Variants in ARHGAP24 observed in about 807,000 individuals in gnomAD.
ARHGAP24 encodes Rho GTPase activating protein 24, also known as rho GTPase-activating protein 24.
ARHGAP24 carries 50 observed loss-of-function variants against 76.4 expected under a neutral mutation model. The observed-to-expected ratio is 0.65, with a 90% confidence interval of 0.52 to 0.83. The LOEUF (loss-of-function observed/expected upper bound fraction) is 0.83, where lower values mean the gene tolerates loss of function less well. Among genes scored for constraint, ARHGAP24 ranks in the 40% least tolerant of loss-of-function variants. ARHGAP24 has a pLI of 0.00. For missense variants in ARHGAP24, 930 were observed against 914.2 expected, an observed-to-expected ratio of 1.02 and a Z score of -0.22; for synonymous variants, 345 against 323.3, an observed-to-expected ratio of 1.07 and a Z score of -0.72.
At chr4:85,695,742 C>A (rs1227368355) in intron 2 of ARHGAP24, among the ~76,000 whole-genome samples, 2 of 152,104 alleles carry the variant, frequency 1.3e-5, no homozygotes, top group South Asian at 4.1e-4. Context: ...AGTTAATATT[C>A]ATTAGAGTAA....
At chr4:85,601,181 T>A (rs549166965) in intron 2 of ARHGAP24, among the ~76,000 whole-genome samples, 2 of 152,324 alleles carry the variant, frequency 1.3e-5, no homozygotes, top group Middle Eastern at 3.4e-3. Context: ...TCAACTGGAA[T>A]GTAACTACCA....
At chr4:85,900,168 A>T (rs1734412570) in intron 3 of ARHGAP24, among the ~76,000 whole-genome samples, 1 of 152,212 alleles carries the variant, frequency 6.6e-6, no homozygotes, top group Admixed American at 6.5e-5. Flanking sequence ...TCTACCTGCT[A>T]ATCTATATAT....
Position 85,475,351 on chromosome 4 carries a change from C to G in ARHGAP24, c.-229C>G, listed in dbSNP as rs1274011817. The G allele has an allele frequency of 6.5e-6, 1 of 152,864 alleles. No homozygotes were observed. Among genetic ancestry groups the G allele is most frequent in the African/African-American group, 2.4e-5 (1 of 41,448 alleles). 9.5% of individuals were successfully genotyped at this position (152,864 alleles called of 1,614,324 possible). A position where few individuals can be genotyped will look rare whatever the true frequency, so the allele number is the denominator to read the frequency against. On this transcript the variant is annotated 5_prime_UTR_variant, in exon 1 of 10. Transcript: ENST00000395184. ...GGGGAATCCCCCCAACTTCCCATCG[C>G]AGGCGCAGCTCTCTCGGCCGCCTAT...
At chr4:85,998,682 A>G (rs1246445895) in intron 9 of ARHGAP24, among the ~76,000 whole-genome samples, 2 of 152,068 alleles carry the variant, frequency 1.3e-5, no homozygotes, top group Admixed American at 6.6e-5. Context: ...CTTTTCTCAG[A>G]CCTGTTTTGT....
At chr4:85,680,353 T>C (rs1368647787) in intron 2 of ARHGAP24, among the ~76,000 whole-genome samples, 1 of 152,184 alleles carries the variant, frequency 6.6e-6, no homozygotes, top group East Asian at 1.9e-4. Context: ...CAATGCATAG[T>C]CAACCTTTCA....
At chr4:85,746,720 G>A (rs1163176412) in intron 3 of ARHGAP24, among the ~76,000 whole-genome samples, 1 of 151,900 alleles carries the variant, frequency 6.6e-6, no homozygotes. Context: ...GTGCGATCTC[G>A]GCTCACTACA....
At chr4:85,898,397 A>C (rs1157910536) in intron 3 of ARHGAP24, among the ~76,000 whole-genome samples, 1 of 152,154 alleles carries the variant, frequency 6.6e-6, no homozygotes, top group Non-Finnish European at 1.5e-5. Flanking sequence ...ACTAGGGTGC[A>C]TACAGGCTCT....
At chr4:85,526,693 G>A (rs1725014811) in intron 1 of ARHGAP24, among the ~76,000 whole-genome samples, 1 of 151,972 alleles carries the variant, frequency 6.6e-6, no homozygotes, top group Non-Finnish European at 1.5e-5. Flanking sequence ...GATTCTACTG[G>A]AGATTGCTTT....
chr4:86,000,178 C>T, intron 9 of ARHGAP24: 1 of 277,620 alleles, frequency 3.6e-6, no homozygotes, highest in Non-Finnish European at 7.0e-6. Flanking sequence ...CCTCGTCTGC[C>T]CGGCATGTGT....
At chr4:85,669,373 A>G (rs1279804797) in intron 2 of ARHGAP24, among the ~76,000 whole-genome samples, 2 of 152,150 alleles carry the variant, frequency 1.3e-5, no homozygotes, top group Middle Eastern at 3.4e-3. Flanking sequence ...GCAGCAGCTC[A>G]ATAGGCCCAT....
At position 85,564,811 on chromosome 4, in the gene ARHGAP24, G is replaced by A. The variant is rs534047343; in HGVS notation, c.-20-5711G>A. Among the ~76,000 whole-genome samples, 148 of 149,240 alleles carry A rather than the reference G, an allele frequency of 9.9e-4. 3 individuals are homozygous for A. Among genetic ancestry groups the A allele is most frequent in the Non-Finnish European group, 6.2e-4 (42 of 67,610 alleles). ...AGATGAGGCTCAGGCAATAATGCTCGCTTGCCTACAGCTCACCTCCTGCTG... is the reference window on the plus strand; with the variant it reads ...AGATGAGGCTCAGGCAATAATGCTCACTTGCCTACAGCTCACCTCCTGCTG... On this transcript the variant is annotated intron_variant, in intron 1 of 9. Transcript: ENST00000395184.
At chr4:85,971,053 T>C (rs1229253150) in intron 5 of ARHGAP24, among the ~76,000 whole-genome samples, 2 of 152,216 alleles carry the variant, frequency 1.3e-5, no homozygotes, top group African/African-American at 4.8e-5. Context: ...ACGTTAAGTT[T>C]TCATTGTTTA....
intron 3 of ARHGAP24, among the ~76,000 whole-genome samples, chr4:85,761,893 G>A (rs975828702): frequency 5.3e-5 from 8 of 152,102 alleles, no homozygotes; most frequent in African/African-American, 1.9e-4. Context: ...TGGTTTTAAG[G>A]TGCTTGCAGA....
At chr4:85,739,995 G>T (rs1182755759) in intron 3 of ARHGAP24, among the ~76,000 whole-genome samples, 4 of 152,126 alleles carry the variant, frequency 2.6e-5, no homozygotes, top group Admixed American at 2.6e-4. Flanking sequence ...CAGCCACACA[G>T]ACTTGCCACA....
intron 2 of ARHGAP24, among the ~76,000 whole-genome samples, chr4:85,719,542 T>C (rs1724852899): frequency 6.6e-6 from 1 of 152,214 alleles, no homozygotes; most frequent in African/African-American, 2.4e-5. Flanking sequence ...TAGCTAAATA[T>C]TACTATTTTT....
chr4:85,643,607 A>C (rs999094623), intron 2 of ARHGAP24, among the ~76,000 whole-genome samples: 2 of 152,024 alleles, frequency 1.3e-5, no homozygotes, highest in African/African-American at 2.4e-5. Context: ...CATACTATAA[A>C]ATTCACTTTT....
At position 85,810,148 on chromosome 4, in the gene ARHGAP24, A is replaced by C. The variant is rs1204726682; in HGVS notation, c.268+88176A>C. On this transcript the variant is annotated intron_variant, in intron 3 of 9. Coordinates refer to ENST00000395184, the MANE Select transcript of ARHGAP24 (RefSeq NM_001025616.3). ...TGTTACACAAGCTTTCTTTTTAAAAATTTCAGCCTTGCCTTTCATGTAAGT... is the reference window on the plus strand; with the variant it reads ...TGTTACACAAGCTTTCTTTTTAAAACTTTCAGCCTTGCCTTTCATGTAAGT... 2.0e-5 allele frequency among the ~76,000 whole-genome samples: 3 copies of C among 152,210 alleles called. No homozygotes were observed. The East Asian group carries it at 5.8e-4, about 29-fold the overall frequency.
intron 2 of ARHGAP24, among the ~76,000 whole-genome samples, chr4:85,709,671 A>G (rs565095570): frequency 1.3e-5 from 2 of 152,198 alleles, no homozygotes; most frequent in Non-Finnish European, 2.9e-5. Context: ...CTGATATACA[A>G]CTTCAGCAAA....
chr4:85,696,272 A>G (rs1286170868), intron 2 of ARHGAP24, among the ~76,000 whole-genome samples: 1 of 152,152 alleles, frequency 6.6e-6, no homozygotes, highest in Non-Finnish European at 1.5e-5. Context: ...ATTTTTATTA[A>G]AAGTGAGTTC....
Sources: gnomAD v4.1 joint callset for allele counts (sites outside exome capture counted in the v4.1 genomes callset) on GRCh38, gnomAD v4.1.1 for gene constraint, MANE v1.5 for transcripts, NCBI Gene and HGNC (gene_info 2026-07-23, HGNC 2026-07-21) for gene names.